The following SHISA6 variants were observed in gnomAD, a reference collection of about 807,000 sequenced individuals.
The protein encoded by SHISA6 is shisa family member 6.
In SHISA6, 22 loss-of-function variants were observed where a neutral mutation model predicts 47.9. The ratio of observed to expected loss-of-function variants is 0.46; its 90% CI spans 0.33 to 0.66. The LOEUF (loss-of-function observed/expected upper bound fraction) is 0.66. SHISA6 is among the 30% of genes least tolerant of loss of function. The pLI is 0.02. For missense variants in SHISA6, 680 were observed against 764.6 expected (o/e 0.89, Z 1.30); for synonymous variants, 388 against 337.8 (o/e 1.15, Z -1.63).
intron 3 of SHISA6, among the ~76,000 whole-genome samples, chr17:11,504,981 C>T (rs143582815): frequency 2.0e-3 from 298 of 152,330 alleles, no homozygotes; most frequent in Non-Finnish European, 3.5e-3. Context: ...CTTGTCCTCA[C>T]TGGCCAGTTC....
At chr17:11,520,729 C>G (rs1480434759) in intron 3 of SHISA6, among the ~76,000 whole-genome samples, 1 of 152,112 alleles carries the variant, frequency 6.6e-6, no homozygotes, top group East Asian at 1.9e-4. Context: ...GCATGGCTGG[C>G]CCCTTCTCAT....
chr17:11,272,608 C>G (rs1350689569), intron 2 of SHISA6, among the ~76,000 whole-genome samples: 1 of 152,196 alleles, frequency 6.6e-6, no homozygotes, highest in Non-Finnish European at 1.5e-5. Context: ...TTAACCACCT[C>G]TGGGCTGTCT....
At chr17:11,252,134 G>A (rs547247417) in intron 1 of SHISA6, among the ~76,000 whole-genome samples, 4 of 152,184 alleles carry the variant, frequency 2.6e-5, no homozygotes, top group Admixed American at 2.0e-4. Context: ...CCTCCTTGCC[G>A]AAAGCCCCTG....
At chr17:11,526,643 G>T (rs1175579433) in intron 3 of SHISA6, among the ~76,000 whole-genome samples, 1 of 151,926 alleles carries the variant, frequency 6.6e-6, no homozygotes, top group African/African-American at 2.4e-5. Flanking sequence ...TTTCTACTTA[G>T]AACCCAATGA....
At chr17:11,515,133 G>A (rs2071572042) in intron 3 of SHISA6, among the ~76,000 whole-genome samples, 1 of 151,508 alleles carries the variant, frequency 6.6e-6, no homozygotes, top group South Asian at 2.1e-4. Flanking sequence ...CTATCAGTGT[G>A]TCATTGGGAA....
At chr17:11,292,094 A>T (rs74252988) in intron 2 of SHISA6, among the ~76,000 whole-genome samples, 26,404 of 151,998 alleles carry the variant, frequency 0.17, 2,380 homozygotes, top group African/African-American at 0.2. Flanking sequence ...GATCTCTTGC[A>T]CTTATTCTTC....
intron 3 of SHISA6, among the ~76,000 whole-genome samples, chr17:11,392,380 T>G (rs776273977): frequency 6.6e-6 from 1 of 152,180 alleles, no homozygotes; most frequent in African/African-American, 2.4e-5. Context: ...TAGAGGGGTG[T>G]TGGCTCTTGG....
chr17:11,341,909 G>T (rs1297374310), intron 2 of SHISA6, among the ~76,000 whole-genome samples: 1 of 152,122 alleles, frequency 6.6e-6, no homozygotes, highest in Non-Finnish European at 1.5e-5. Context: ...TTCCAACATG[G>T]AGTTTTCCTC....
At chr17:11,317,527 G>A (rs1472541637) in intron 2 of SHISA6, among the ~76,000 whole-genome samples, 1 of 151,396 alleles carries the variant, frequency 6.6e-6, no homozygotes, top group Non-Finnish European at 1.5e-5. Flanking sequence ...TATATTTGGT[G>A]GTTGTTTGTT....
intron 3 of SHISA6, among the ~76,000 whole-genome samples, chr17:11,386,857 C>T (rs117867249): frequency 2.0e-5 from 3 of 152,188 alleles, no homozygotes; most frequent in Non-Finnish European, 4.4e-5. Context: ...TTAGGGTGAC[C>T]GACCATCCCG....
intron 3 of SHISA6, among the ~76,000 whole-genome samples, chr17:11,442,936 C>A (rs180906304): frequency 1.3e-5 from 2 of 152,136 alleles, no homozygotes; most frequent in Non-Finnish European, 2.9e-5. Flanking sequence ...AGAGCTCAGG[C>A]AAGGAGGGAA....
At chr17:11,247,140 C>T (rs868507000) in intron 1 of SHISA6, among the ~76,000 whole-genome samples, 1 of 152,184 alleles carries the variant, frequency 6.6e-6, no homozygotes, top group East Asian at 1.9e-4. Flanking sequence ...AATGAGAGAT[C>T]GGATTGACCG....
chr17:11,476,651 T>C (rs1190531830), intron 3 of SHISA6, among the ~76,000 whole-genome samples: 3 of 151,620 alleles, frequency 2.0e-5, no homozygotes, highest in African/African-American at 7.3e-5. Context: ...TTATGTTAAA[T>C]TCATTAAGGC....
intron 3 of SHISA6, among the ~76,000 whole-genome samples, chr17:11,463,384 T>G (rs1034677898): frequency 1.3e-5 from 2 of 152,200 alleles, no homozygotes; most frequent in Non-Finnish European, 2.9e-5. Flanking sequence ...TATGAATCTT[T>G]TAAAAGGTTT....
intron 1 of SHISA6, among the ~76,000 whole-genome samples, chr17:11,247,163 A>C (rs1454278469): frequency 7.2e-5 from 11 of 152,242 alleles, no homozygotes; most frequent in Admixed American, 7.2e-4. Context: ...CAGTGGATTC[A>C]AATCAATTGT....
chr17:11,356,371 T>C (rs1364625702), intron 2 of SHISA6, among the ~76,000 whole-genome samples: 1 of 152,204 alleles, frequency 6.6e-6, no homozygotes, highest in African/African-American at 2.4e-5. Flanking sequence ...TTGGTCTCTC[T>C]CACTTGCATG....
At chr17:11,457,954 G>T (rs996714096) in intron 3 of SHISA6, among the ~76,000 whole-genome samples, 2 of 149,924 alleles carry the variant, frequency 1.3e-5, no homozygotes, top group African/African-American at 4.9e-5. Context: ...GCTTAGTGGC[G>T]GGTGCCTGTA....
chr17:11,533,769 T>G (rs1205478182), intron 3 of SHISA6, among the ~76,000 whole-genome samples: 1 of 151,386 alleles, frequency 6.6e-6, no homozygotes, highest in African/African-American at 2.4e-5. Context: ...ATTTTTTGTA[T>G]TTTTAGTAGA....
At chr17:11,341,541 G>A (rs368925330) in intron 2 of SHISA6, among the ~76,000 whole-genome samples, 8 of 151,806 alleles carry the variant, frequency 5.3e-5, no homozygotes, top group African/African-American at 1.7e-4. Flanking sequence ...CGCCATGTTG[G>A]CCAGGCTGGT....
Sources: gnomAD v4.1 joint callset for allele counts (sites outside exome capture counted in the v4.1 genomes callset) on GRCh38, gnomAD v4.1.1 for gene constraint, MANE v1.5 for transcripts, NCBI Gene and HGNC (gene_info 2026-07-23, HGNC 2026-07-21) for gene names.